The following TMC2 variants were observed in gnomAD, a reference collection of about 807,000 sequenced individuals.
TMC2 encodes transmembrane channel like 2, also known as transmembrane channel-like protein 2.
A neutral mutation model predicts 105.9 loss-of-function variants in TMC2; 102 were observed. That is an observed-to-expected ratio of 0.96 (90% confidence interval 0.82 to 1.14). The LOEUF is 1.14. TMC2 is among the 50% of genes most tolerant of loss of function. The pLI, the probability that TMC2 is intolerant of heterozygous loss-of-function variation, is 0.00. For missense variants in TMC2, 1,093 were observed against 1,134.3 expected, an observed-to-expected ratio of 0.96 and a Z score of 0.52; for synonymous variants, 402 against 422.8, an observed-to-expected ratio of 0.95 and a Z score of 0.60.
Position 2,543,013 on chromosome 20 carries a change from A to G in TMC2, c.82+5697A>G, listed in dbSNP as rs545230579. On this transcript the variant is annotated intron_variant, in intron 2 of 19. Transcript: ENST00000358864. ...GCACTTTGGGAGGCCAAGGTGGGCGAATCACTTGAGGTCAGGAGTTTGAGA... is the reference window on the plus strand; with the variant it reads ...GCACTTTGGGAGGCCAAGGTGGGCGGATCACTTGAGGTCAGGAGTTTGAGA... Among the ~76,000 whole-genome samples, 26 of 152,144 alleles carry G rather than the reference A, an allele frequency of 1.7e-4. No individual in the cohort carries two copies. The East Asian group carries it at 3.1e-3, about 18-fold the overall frequency.
At chr20:2,582,380 G>A (rs1189050796) in intron 7 of TMC2, among the ~76,000 whole-genome samples, 4 of 152,104 alleles carry the variant, frequency 2.6e-5, no homozygotes, top group South Asian at 2.1e-4. Context: ...ATATCCCCAC[G>A]ACCCATGGAT....
chr20:2,602,142 C>T lies in TMC2; in HGVS notation c.1254C>T (p.Asn418=). Reference sequence around the variant, plus strand: ...CAATAGTGGATGAACAAGAGAGTAACAAAGAAGAAAATATCCATCTGACAA... The same window carrying T: ...CAATAGTGGATGAACAAGAGAGTAATAAAGAAGAAAATATCCATCTGACAA... ...KESIVDEQES[N]KEENIHLTRF... is the part of the protein sequence containing the mutation. Residue 418 remains asparagine, a synonymous_variant, in exon 11 of 20, where the codon AAC becomes AAT. Coordinates refer to ENST00000358864, the MANE Select transcript of TMC2 (RefSeq NM_080751.3). 1 of 1,611,696 alleles carries T rather than the reference C, an allele frequency of 6.2e-7. No homozygotes were observed.
rs71193976 is a variant in TMC2 at position 2,564,150 on chromosome 20, C to CTTTTTTT, written c.554+2152_554+2158dup. The stretch of plus-strand genomic sequence containing the variant: ...GGACTGTCTTCCTTCTCAGCCTCCT[C>CTTTTTTT]TTTTTTTTTTTTTTTTTTGAGATGG... On this transcript the variant is annotated intron_variant, in intron 4 of 19. Transcript: ENST00000358864. 6.7e-5 allele frequency among the ~76,000 whole-genome samples: 8 copies of CTTTTTTT among 120,074 alleles called. 2 individuals carry two copies. Among genetic ancestry groups the CTTTTTTT allele is most frequent in the Non-Finnish European group, 8.2e-5 (5 of 60,864 alleles). 78.8% of individuals were successfully genotyped at this position (120,074 alleles called of 152,430 possible). A position where few individuals can be genotyped will look rare whatever the true frequency, so the allele number is the denominator to read the frequency against.
Position 2,613,106 on chromosome 20 carries a change from G to A in TMC2, c.1744-88G>A, listed in dbSNP as rs974221349. The A allele has an allele frequency of 3.3e-6, 5 of 1,523,942 alleles. No homozygotes were observed. In the African/African-American group the frequency reaches 4.1e-5, roughly 13 times the overall value. The allele number at this position is 1,523,942 out of a possible 1,614,324, so 94.4% of individuals were successfully genotyped here. On this transcript the variant is annotated intron_variant, in intron 13 of 19. Coordinates refer to ENST00000358864, the MANE Select transcript of TMC2 (RefSeq NM_080751.3). ...GACAAAGTCAGGTGGGTGGGGGAGA[G>A]TTTATTAGACTCTCAACAAACTCTC...
At chr20:2,621,618 G>A (rs1276635463) in intron 16 of TMC2, among the ~76,000 whole-genome samples, 2 of 149,572 alleles carry the variant, frequency 1.3e-5, no homozygotes, top group Non-Finnish European at 1.5e-5. Context: ...GCAGTGAGCC[G>A]AAATCATGCC....
chr20:2,597,391 TC>T, intron 10 of TMC2, 93 bp downstream of exon 10: 2 of 1,321,916 alleles, frequency 1.5e-6, no homozygotes, highest in Non-Finnish European at 2.1e-6. Flanking sequence ...GAAAATAAGG[TC>T]CTCAAATAAT....
intron 9 of TMC2, among the ~76,000 whole-genome samples, chr20:2,596,765 C>A (rs2086311221): frequency 6.7e-6 from 1 of 148,890 alleles, no homozygotes; most frequent in Admixed American, 6.7e-5. Context: ...GTGTTCTATC[C>A]AAGAAAATAG....
At chr20:2,611,734 A>G (rs2086439678) in intron 12 of TMC2, among the ~76,000 whole-genome samples, 1 of 152,140 alleles carries the variant, frequency 6.6e-6, no homozygotes, top group Non-Finnish European at 1.5e-5. Flanking sequence ...CCACTACTTT[A>G]TATGCACAGA....
chr20:2,584,215 C>G (rs1054256852), intron 7 of TMC2, among the ~76,000 whole-genome samples: 1 of 151,936 alleles, frequency 6.6e-6, no homozygotes, highest in Non-Finnish European at 1.5e-5. Flanking sequence ...GAGGCCGAGG[C>G]GGGCGGATCA....
chr20:2,570,205 T>C (rs761908787), intron 4 of TMC2, among the ~76,000 whole-genome samples: 6 of 152,008 alleles, frequency 3.9e-5, no homozygotes, highest in Non-Finnish European at 7.4e-5. Flanking sequence ...AGTCAAAGTA[T>C]CTCTCTTTGC....
chr20:2,628,494 G>A (rs1166158239), intron 17 of TMC2, among the ~76,000 whole-genome samples: 1 of 152,110 alleles, frequency 6.6e-6, no homozygotes, highest in Non-Finnish European at 1.5e-5. Flanking sequence ...ATCTTGAATT[G>A]TAATCCCCAT....
chr20:2,573,320 C>T (rs2086116387), intron 5 of TMC2, among the ~76,000 whole-genome samples: 1 of 152,030 alleles, frequency 6.6e-6, no homozygotes, highest in Non-Finnish European at 1.5e-5. Flanking sequence ...GGATACCATA[C>T]ATTTCTCAAG....
chr20:2,589,147 ATTCC>A (rs1464021193), intron 7 of TMC2, among the ~76,000 whole-genome samples: 4 of 152,244 alleles, frequency 2.6e-5, no homozygotes, highest in African/African-American at 9.6e-5. Context: ...AGTTTTACTT[ATTCC>A]TCTGGTGGGA....
intron 3 of TMC2, 71 bp from the exon 4 acceptor site, chr20:2,561,787 C>A: frequency 6.5e-7 from 1 of 1,530,760 alleles, no homozygotes; most frequent in South Asian, 1.2e-5. Context: ...GGCCCCTCCT[C>A]ATTCCACAGC....
chr20:2,611,963 T>C (rs544956836), intron 12 of TMC2, among the ~76,000 whole-genome samples: 1 of 152,112 alleles, frequency 6.6e-6, no homozygotes, highest in Admixed American at 6.5e-5. Context: ...GACGGACAGA[T>C]GAATGCTGAC....
rs2146280004 is a variant in TMC2 at position 2,642,897 on chromosome 20, GT to G, written c.*1548del. Reference sequence around the variant, plus strand: ...CCACCACCCAACCAGGCCCCCAGGGGTTCTCAGGAGAATCCCCCAGACTCAG... The same window carrying G: ...CCACCACCCAACCAGGCCCCCAGGGGTCTCAGGAGAATCCCCCAGACTCAG... On this transcript the variant is annotated 3_prime_UTR_variant, in exon 20 of 20. Transcript: ENST00000358864. Among the ~76,000 whole-genome samples, 1 of 152,032 alleles carries G rather than the reference GT, an allele frequency of 6.6e-6. No individual in the cohort carries two copies. Among genetic ancestry groups the G allele is most frequent in the South Asian group, 2.1e-4 (1 of 4,822 alleles).
chr20:2,612,284 C>T lies in TMC2; in HGVS notation c.1687C>T (p.Pro563Ser). The T allele has an allele frequency of 1.2e-6, 2 of 1,608,796 alleles. No individual in the cohort carries two copies. Among genetic ancestry groups the T allele is most frequent in the South Asian group, 1.1e-5 (1 of 89,712 alleles). Reference sequence around the variant, plus strand: ...TTGGAACGAGAGTGTCCCCCGACCACCCCTGCACCCTGCAGATGTGCCCCG... The same window carrying T: ...TTGGAACGAGAGTGTCCCCCGACCATCCCTGCACCCTGCAGATGTGCCCCG... Reference protein sequence around the residue: ...SGWNESVPRPPLHPADVPRGS... With the variant: ...SGWNESVPRPSLHPADVPRGS... Residue 563 changes from proline (P) to serine (S), a missense_variant, in exon 13 of 20, where the codon CCC becomes TCC. By Grantham distance (74) the Pro-to-Ser change is moderately conservative. Coordinates refer to ENST00000358864, the MANE Select transcript of TMC2 (RefSeq NM_080751.3).
intron 2 of TMC2, among the ~76,000 whole-genome samples, chr20:2,544,092 T>G (rs2122798089): frequency 6.6e-6 from 1 of 150,904 alleles, no homozygotes; most frequent in East Asian, 1.9e-4. Flanking sequence ...TTTTTTGTAT[T>G]TTTAGTAGAG....
intron 4 of TMC2, among the ~76,000 whole-genome samples, chr20:2,564,352 G>A (rs1422439634): frequency 3.3e-5 from 5 of 151,924 alleles, no homozygotes; most frequent in African/African-American, 4.8e-5. Flanking sequence ...GGGTTTCACC[G>A]TGTTAGCCAG....
Sources: allele counts gnomAD v4.1 joint callset (sites outside exome capture counted in the v4.1 genomes callset), GRCh38; gene constraint gnomAD v4.1.1; transcripts MANE v1.5; gene names NCBI Gene and HGNC (gene_info 2026-07-23, HGNC 2026-07-21).